The following SPATS1 variants were observed in gnomAD, a reference collection of about 807,000 sequenced individuals.
SPATS1 encodes the protein spermatogenesis associated serine rich 1, also known as spermatogenesis-associated serine-rich protein 1.
SPATS1 carries 23 observed loss-of-function variants against 33.6 expected under a neutral mutation model. The observed-to-expected ratio is 0.68, with a 90% CI of 0.49 to 0.97. SPATS1 has a LOEUF of 0.97. Among genes scored for constraint, SPATS1 ranks in the 50% least tolerant of loss-of-function variants. The probability of loss-of-function intolerance (pLI) is 0.00; values close to 1 mark genes in which losing one functional copy is unlikely to be tolerated. For missense variants in SPATS1, 327 were observed against 361.0 expected (o/e 0.91, Z 0.76); for synonymous variants, 131 against 125.6 (o/e 1.04, Z -0.29).
chr6:44,344,477 T>C (rs1226346388), intron 2 of SPATS1, among the ~76,000 whole-genome samples: 2 of 151,424 alleles, frequency 1.3e-5, no homozygotes, highest in African/African-American at 2.4e-5. Context: ...GGGGAGAGGA[T>C]AGAATCAAAA....
At position 44,343,189 on chromosome 6, in the gene SPATS1, C is replaced by T. The variant is rs776569375; in HGVS notation, c.94C>T (p.Pro32Ser). 1 of 1,613,880 alleles carries T rather than the reference C, an allele frequency of 6.2e-7. No homozygotes were observed. The highest frequency in any genetic ancestry group is 1.3e-5 in the African/African-American group (1 of 74,842). ...CTGCGGCAGACAGCTGGAGAAGGTT[C>T]CAGAAAAAAGGGACTCTGGCATGAC... The part of the protein sequence containing the change: ...TTCGRQLEKV[P>S]EKRDSGMTEV... Residue 32 changes from proline to serine, a missense_variant, in exon 2 of 9, where the codon CCA (proline) becomes TCA (serine). Pro to Ser is a moderately conservative substitution (Grantham distance 74). Coordinates refer to ENST00000674044, the MANE Select transcript of SPATS1 (RefSeq NM_001372081.1).
intron 6 of SPATS1, among the ~76,000 whole-genome samples, chr6:44,368,931 C>G (rs1789412578): frequency 6.7e-6 from 1 of 150,024 alleles, no homozygotes; most frequent in Non-Finnish European, 1.5e-5. Context: ...GAGTCTCGCT[C>G]CGTCGCCCTG....
rs540052551 is a variant in SPATS1 at position 44,379,113 on chromosome 6, C to T, written c.*2050C>T. 1.3e-4 allele frequency among the ~76,000 whole-genome samples: 19 copies of T among 151,876 alleles called. No individual in the cohort carries two copies. Among genetic ancestry groups the T allele is most frequent in the African/African-American group, 4.3e-4 (18 of 41,426 alleles). The stretch of plus-strand genomic sequence containing the variant: ...TCTTTCCCCTAGTCAAAAACAATGC[C>T]CCACCCCTAAAAAAAAAAGTCAACT... On this transcript the variant is annotated 3_prime_UTR_variant, in exon 9 of 9. Transcript: ENST00000674044.
At chr6:44,343,039 G>T in intron 1 of SPATS1, 57 bp from the exon 2 acceptor site, 1 of 1,603,670 alleles carries the variant, frequency 6.2e-7, no homozygotes, top group Non-Finnish European at 8.5e-7. Context: ...CCTTTCTTAC[G>T]AGGGACTTTC....
At chr6:44,343,607 T>A (rs1239464911) in intron 2 of SPATS1, 1 of 420,128 alleles carries the variant, frequency 2.4e-6, no homozygotes. Context: ...CGAGCCTGTG[T>A]CCTTTCATCT....
chr6:44,372,883 T>C (rs1047312063), intron 7 of SPATS1, among the ~76,000 whole-genome samples: 2 of 152,206 alleles, frequency 1.3e-5, no homozygotes, highest in African/African-American at 4.8e-5. Flanking sequence ...TTAGGGATAG[T>C]TTAACTCCAT....
chr6:44,360,719 C>T (rs1173744271), intron 4 of SPATS1, 149 bp downstream of exon 4: 7 of 985,608 alleles, frequency 7.1e-6, no homozygotes, highest in Non-Finnish European at 1.0e-5. Flanking sequence ...GCCAGGAAGC[C>T]ATTATATGTT....
At chr6:44,352,206 C>T (rs1364630038) in intron 2 of SPATS1, among the ~76,000 whole-genome samples, 1 of 152,156 alleles carries the variant, frequency 6.6e-6, no homozygotes, top group Non-Finnish European at 1.5e-5. Flanking sequence ...TCTCGGCTCA[C>T]TGCAACCTCT....
chr6:44,359,822 A>G (rs967131293), intron 3 of SPATS1, among the ~76,000 whole-genome samples: 1 of 152,152 alleles, frequency 6.6e-6, no homozygotes, highest in African/African-American at 2.4e-5. Context: ...CACCTGCCTC[A>G]GCGTTCCAAA....
At chr6:44,353,804 G>A (rs1259906868) in intron 3 of SPATS1, among the ~76,000 whole-genome samples, 5 of 152,090 alleles carry the variant, frequency 3.3e-5, no homozygotes, top group South Asian at 2.1e-4. Context: ...TTGGGAGGCC[G>A]AGGCTGGTGG....
Position 44,356,972 on chromosome 6 carries a change from AT to A in SPATS1, c.288-3472del, listed in dbSNP as rs141024931. ...GTGGACTCCCTGACTTAAATTTTAT[AT>A]TCTCAAAGCCCATTCCTTTCACAGC... is the stretch of plus-strand genomic sequence containing the variant. On this transcript the variant is annotated intron_variant, in intron 3 of 8. Transcript: ENST00000674044. 6.7e-3 allele frequency among the ~76,000 whole-genome samples: 1,020 copies of A among 152,294 alleles called. 8 individuals are homozygous for A. The highest frequency in any genetic ancestry group is 0.023 in the African/African-American group (954 of 41,560).
intron 2 of SPATS1, among the ~76,000 whole-genome samples, chr6:44,348,636 T>G (rs6911823): frequency 6.6e-6 from 1 of 152,022 alleles, no homozygotes; most frequent in Non-Finnish European, 1.5e-5. Context: ...TTTTGCTGTA[T>G]GAGCACTGAA....
At chr6:44,371,791 A>G (rs959034491) in intron 7 of SPATS1, among the ~76,000 whole-genome samples, 14 of 151,736 alleles carry the variant, frequency 9.2e-5, no homozygotes, top group African/African-American at 3.4e-4. Flanking sequence ...TAAAAATACA[A>G]AAAATTAGCT....
At chr6:44,354,993 A>ATT (rs762860547) in intron 3 of SPATS1, among the ~76,000 whole-genome samples, 23 of 151,838 alleles carry the variant, frequency 1.5e-4, no homozygotes, top group Middle Eastern at 6.8e-3. Flanking sequence ...TTGTAAATGT[A>ATT]TTTTTTTTGT....
At chr6:44,366,116 T>C (rs1460442213) in intron 5 of SPATS1, among the ~76,000 whole-genome samples, 13 of 30,078 alleles carry the variant, frequency 4.3e-4, no homozygotes, top group African/African-American at 5.9e-4. Flanking sequence ...ATAGTCTATA[T>C]ATATATATAT....
intron 3 of SPATS1, among the ~76,000 whole-genome samples, chr6:44,359,054 G>A (rs964162591): frequency 6.6e-6 from 1 of 152,074 alleles, no homozygotes; most frequent in Non-Finnish European, 1.5e-5. Flanking sequence ...AGGCTGGAAT[G>A]AGGTGGAGTG....
At chr6:44,344,954 T>C (rs952871516) in intron 2 of SPATS1, among the ~76,000 whole-genome samples, 11 of 152,180 alleles carry the variant, frequency 7.2e-5, no homozygotes, top group Non-Finnish European at 1.6e-4. Context: ...AAGCAGGGTG[T>C]ATCTCCTTAG....
chr6:44,359,310 T>C (rs1376671854), intron 3 of SPATS1, among the ~76,000 whole-genome samples: 1 of 152,210 alleles, frequency 6.6e-6, no homozygotes, highest in Non-Finnish European at 1.5e-5. Flanking sequence ...ATTGCAGTCA[T>C]AATGTTGTGT....
chr6:44,343,038 C>A (rs1461843893), intron 1 of SPATS1, 58 bp from the exon 2 acceptor site: 10 of 1,602,102 alleles, frequency 6.2e-6, no homozygotes, highest in Non-Finnish European at 8.5e-6. Context: ...ACCTTTCTTA[C>A]GAGGGACTTT....
Sources: gnomAD v4.1 joint callset for allele counts (sites outside exome capture counted in the v4.1 genomes callset) on GRCh38, gnomAD v4.1.1 for gene constraint, MANE v1.5 for transcripts, NCBI Gene and HGNC (gene_info 2026-07-23, HGNC 2026-07-21) for gene names.